The following LOXHD1 variants were observed in gnomAD, a reference collection of about 807,000 sequenced individuals.
The protein encoded by LOXHD1 is lipoxygenase homology domain-containing protein 1.
A neutral mutation model predicts 248.2 loss-of-function variants in LOXHD1; 205 were observed. That is an observed-to-expected ratio of 0.83 (90% CI 0.74 to 0.93). LOXHD1 has a LOEUF of 0.93. Ranked by LOEUF, LOXHD1 falls within the 40% of genes least tolerant of loss-of-function variation. The pLI, the probability that LOXHD1 is intolerant of heterozygous loss-of-function variation, is 0.00. For synonymous variants in LOXHD1, 1,113 were observed against 1,162.8 expected (o/e 0.96, Z 0.87); for missense variants, 2,930 against 2,971.6 (o/e 0.99, Z 0.33).
chr18:46,483,761 G>A lies in LOXHD1; in HGVS notation c.6183-16C>T. 6.5e-7 allele frequency: 1 copy of A among 1,549,228 alleles called. No homozygotes were observed. Among genetic ancestry groups the A allele is most frequent in the East Asian group, 2.4e-5 (1 of 40,892 alleles). ...TGTGGTCCCCCTGCAGGAAACAAAA[G>A]TGTGGTCCATGAGCTGCCTTTGCCC... On this transcript the variant is annotated splice_polypyrimidine_tract_variant and intron_variant, in intron 39 of 40. Coordinates refer to ENST00000642948, the MANE Select transcript of LOXHD1 (RefSeq NM_001384474.1).
intron 2 of LOXHD1, among the ~76,000 whole-genome samples, chr18:46,648,945 C>T (rs1188450313): frequency 5.3e-5 from 8 of 152,174 alleles, no homozygotes; most frequent in Admixed American, 3.9e-4. Flanking sequence ...GAGGCATTAC[C>T]GTCCAAAAGA....
intron 12 of LOXHD1, among the ~76,000 whole-genome samples, chr18:46,583,162 A>G (rs1043603513): frequency 3.3e-5 from 5 of 152,234 alleles, no homozygotes; most frequent in African/African-American, 7.2e-5. Flanking sequence ...AACTGGCTCA[A>G]GAAAAAATAG....
intron 17 of LOXHD1, among the ~76,000 whole-genome samples, chr18:46,565,864 G>A (rs2037629477): frequency 6.6e-6 from 1 of 151,956 alleles, no homozygotes; most frequent in South Asian, 2.1e-4. Flanking sequence ...ACCCATGGAT[G>A]TGGAGGGCTG....
At chr18:46,620,325 G>A (rs2038650644) in intron 4 of LOXHD1, among the ~76,000 whole-genome samples, 1 of 152,156 alleles carries the variant, frequency 6.6e-6, no homozygotes. Context: ...AAGATGCCTA[G>A]GGCCCCTTGT....
intron 12 of LOXHD1, among the ~76,000 whole-genome samples, chr18:46,580,802 A>C (rs1287030766): frequency 6.6e-6 from 1 of 152,158 alleles, no homozygotes; most frequent in African/African-American, 2.4e-5. Flanking sequence ...GACTGCAAAG[A>C]GGTAATGTGT....
At chr18:46,581,893 G>T (rs900688328) in intron 12 of LOXHD1, among the ~76,000 whole-genome samples, 3 of 152,216 alleles carry the variant, frequency 2.0e-5, no homozygotes, top group Non-Finnish European at 2.9e-5. Flanking sequence ...AAAGCAGTGG[G>T]ATGATATATT....
chr18:46,509,522 A>G (rs2034813679), intron 35 of LOXHD1, 176 bp downstream of exon 35: 1 of 666,930 alleles, frequency 1.5e-6, no homozygotes, highest in Admixed American at 2.2e-5. Flanking sequence ...AATAAATAAA[A>G]CGACATTCTC....
chr18:46,596,556 C>A (rs1048606024), intron 8 of LOXHD1, among the ~76,000 whole-genome samples: 2 of 152,170 alleles, frequency 1.3e-5, no homozygotes, highest in Non-Finnish European at 2.9e-5. Context: ...TGAAGGACTG[C>A]TCCTTTAGAC....
intron 38 of LOXHD1, 81 bp downstream of exon 38, chr18:46,488,891 C>T: frequency 6.9e-7 from 1 of 1,451,838 alleles, no homozygotes; most frequent in Non-Finnish European, 9.3e-7. Context: ...GGCACCTGAC[C>T]CCCCTCCAGC....
intron 33 of LOXHD1, chr18:46,518,773 A>T: frequency 3.3e-6 from 2 of 613,394 alleles, no homozygotes; most frequent in Non-Finnish European, 4.1e-6. Flanking sequence ...CCACCTGTGC[A>T]GCCCCAAGCA....
intron 13 of LOXHD1, among the ~76,000 whole-genome samples, chr18:46,578,449 G>A (rs931437602): frequency 2.6e-5 from 4 of 152,178 alleles, no homozygotes; most frequent in African/African-American, 9.7e-5. Flanking sequence ...GGGTGGGTGG[G>A]AAGGAGAGAG....
At chr18:46,592,357 A>T (rs2038186909) in intron 11 of LOXHD1, 141 bp downstream of exon 11, 1 of 771,302 alleles carries the variant, frequency 1.3e-6, no homozygotes. Flanking sequence ...GCCTGTATCC[A>T]AATTCAGGTC....
chr18:46,597,006 G>A (rs2038266711), intron 8 of LOXHD1, among the ~76,000 whole-genome samples: 1 of 152,188 alleles, frequency 6.6e-6, no homozygotes, highest in African/African-American at 2.4e-5. Context: ...GATGCAAGAA[G>A]AAGTGACAAG....
Position 46,579,732 on chromosome 18 carries a change from G to T in LOXHD1, c.1707C>A (p.Thr569=), listed in dbSNP as rs371576247. 6.4e-7 allele frequency: 1 copy of T among 1,551,612 alleles called. No homozygotes were observed. Among genetic ancestry groups the T allele is most frequent in the Non-Finnish European group, 8.7e-7 (1 of 1,147,010 alleles). ...VCTGELEGAG[T]DANVYLCLFG... is the part of the protein sequence containing the mutation. Reference sequence around the variant, plus strand: ...AAAGGCAGAGATAGACGTTGGCATCGGTCCCAGCACCTTCAAGTTCACCTG... The same window carrying T: ...AAAGGCAGAGATAGACGTTGGCATCTGTCCCAGCACCTTCAAGTTCACCTG... The change falls in exon 13 of 41, where the codon ACC becomes ACA. Residue 569 remains threonine (T), a synonymous_variant. Transcript: ENST00000642948.
chr18:46,607,610 A>G (rs1360026778), intron 6 of LOXHD1, among the ~76,000 whole-genome samples: 1 of 151,944 alleles, frequency 6.6e-6, no homozygotes, highest in Admixed American at 6.6e-5. Flanking sequence ...TATTTTCTAA[A>G]TGTTTTATGA....
intron 10 of LOXHD1, among the ~76,000 whole-genome samples, chr18:46,593,209 C>T (rs531608206): frequency 6.6e-6 from 1 of 152,052 alleles, no homozygotes. Context: ...AAAAAAAGTT[C>T]TAAAATTCAT....
chr18:46,484,936 G>A (rs1301548958), intron 39 of LOXHD1, 83 bp downstream of exon 39: 2 of 1,491,726 alleles, frequency 1.3e-6, no homozygotes, highest in African/African-American at 2.8e-5. Flanking sequence ...GTGTACCTAT[G>A]GCTCCCACCC....
At chr18:46,515,060 T>G (rs1175354028) in intron 34 of LOXHD1, among the ~76,000 whole-genome samples, 1 of 152,134 alleles carries the variant, frequency 6.6e-6, no homozygotes, top group Admixed American at 6.5e-5. Flanking sequence ...AGATGAGAAG[T>G]TGGGAAATTT....
At chr18:46,543,583 A>C (rs1197972867) in intron 23 of LOXHD1, among the ~76,000 whole-genome samples, 1 of 151,842 alleles carries the variant, frequency 6.6e-6, no homozygotes, top group East Asian at 1.9e-4. Flanking sequence ...CCACCCCCTG[A>C]CAGGCCTCGG....
Sources: gnomAD v4.1 joint callset for allele counts (sites outside exome capture counted in the v4.1 genomes callset) on GRCh38, gnomAD v4.1.1 for gene constraint, MANE v1.5 for transcripts, NCBI Gene and HGNC (gene_info 2026-07-23, HGNC 2026-07-21) for gene names.